Variants in SIPA1L1 observed in about 807,000 individuals in gnomAD.
SIPA1L1 encodes the protein signal-induced proliferation-associated 1-like protein 1.
SIPA1L1 carries 26 observed loss-of-function variants against 162.7 expected under a neutral mutation model. The ratio of observed to expected loss-of-function variants is 0.16; its 90% CI spans 0.12 to 0.22. SIPA1L1 has a LOEUF of 0.22. Among genes scored for constraint, SIPA1L1 ranks in the 10% least tolerant of loss-of-function variants. The pLI, the probability that SIPA1L1 is intolerant of heterozygous loss-of-function variation, is 1.00. For synonymous variants in SIPA1L1, 829 were observed against 837.4 expected, an observed-to-expected ratio of 0.99 and a Z score of 0.17; for missense variants, 1,874 against 2,241.0, an observed-to-expected ratio of 0.84 and a Z score of 3.31.
chr14:71,716,321 A>G (rs1027192554), intron 17 of SIPA1L1, among the ~76,000 whole-genome samples: 6 of 152,092 alleles, frequency 3.9e-5, no homozygotes, highest in African/African-American at 1.4e-4. Flanking sequence ...ATCACAGGAA[A>G]CCCGATCAGC....
chr14:71,626,764 A>G (rs2040033820), intron 7 of SIPA1L1, among the ~76,000 whole-genome samples: 1 of 152,152 alleles, frequency 6.6e-6, no homozygotes, highest in Non-Finnish European at 1.5e-5. Flanking sequence ...GGTTTAAATG[A>G]TTCTTTTAAT....
intron 21 of SIPA1L1, among the ~76,000 whole-genome samples, chr14:71,734,074 G>T (rs779787059): frequency 3.9e-5 from 6 of 152,246 alleles, no homozygotes; most frequent in Non-Finnish European, 7.3e-5. Flanking sequence ...AGGGCAATGG[G>T]TAGAGGAATC....
chr14:71,325,060 A>G lies in SIPA1L1; in HGVS notation c.-465+3879A>G, dbSNP rs1424909899. Among the ~76,000 whole-genome samples, 6 of 152,250 alleles carry G rather than the reference A, an allele frequency of 3.9e-5. No individual in the cohort carries two copies. The South Asian group carries it at 1.0e-3, about 26-fold the overall frequency. Reference sequence around the variant, plus strand: ...AGGGGGTTTCCTTCTTCCGGGAGAGATAAGCATTGTGGTATTCTGCCATTG... The same window carrying G: ...AGGGGGTTTCCTTCTTCCGGGAGAGGTAAGCATTGTGGTATTCTGCCATTG... On this transcript the variant is annotated intron_variant, in intron 2 of 23. Transcript: ENST00000381232.
intron 2 of SIPA1L1, among the ~76,000 whole-genome samples, chr14:71,435,329 C>G (rs1019085691): frequency 5.9e-5 from 9 of 152,028 alleles, no homozygotes; most frequent in African/African-American, 2.2e-4. Context: ...TCCTCCCTTC[C>G]CCCACCCCAC....
chr14:71,377,733 G>A lies in SIPA1L1; in HGVS notation c.-465+56552G>A, dbSNP rs549396128. Among the ~76,000 whole-genome samples the A allele has an allele frequency of 5.3e-5, 8 of 152,334 alleles. No homozygotes were observed. The highest frequency in any genetic ancestry group is 2.1e-4 in the South Asian group (1 of 4,828). Reference sequence around the variant, plus strand: ...ACTCCGTCTGCAATCCTGGCACCTCGGGAGGCCGAGGCGGGCAGATCACCC... The same window carrying A: ...ACTCCGTCTGCAATCCTGGCACCTCAGGAGGCCGAGGCGGGCAGATCACCC... On this transcript the variant is annotated intron_variant, in intron 2 of 23. Coordinates refer to ENST00000381232, the MANE Select transcript of SIPA1L1 (RefSeq NM_001386936.1). The surrounding 1 kb of genome is among the most constrained non-coding windows in gnomAD (Gnocchi z 4.8).
chr14:71,473,274 CA>C (rs2047605912), intron 2 of SIPA1L1, among the ~76,000 whole-genome samples: 2 of 151,966 alleles, frequency 1.3e-5, no homozygotes, highest in African/African-American at 4.8e-5. Flanking sequence ...TTTATCTGTA[CA>C]ATAATTATAA....
At chr14:71,443,357 A>G (rs1186397941) in intron 2 of SIPA1L1, among the ~76,000 whole-genome samples, 1 of 152,168 alleles carries the variant, frequency 6.6e-6, no homozygotes, top group Non-Finnish European at 1.5e-5. Flanking sequence ...TTTTGGGGCT[A>G]ATCAATACAC....
chr14:71,376,563 T>C (rs2141101789), intron 2 of SIPA1L1, among the ~76,000 whole-genome samples: 1 of 152,202 alleles, frequency 6.6e-6, no homozygotes, highest in South Asian at 2.1e-4. Flanking sequence ...TTATTTCATT[T>C]ATTTATTTTT....
intron 2 of SIPA1L1, among the ~76,000 whole-genome samples, chr14:71,375,317 G>C (rs1173313046): frequency 1.3e-5 from 2 of 152,156 alleles, no homozygotes; most frequent in East Asian, 1.9e-4. Context: ...GTGGGAAAGA[G>C]ATATATAAGT....
At chr14:71,352,660 C>T (rs142383083) in intron 2 of SIPA1L1, among the ~76,000 whole-genome samples, 2 of 152,074 alleles carry the variant, frequency 1.3e-5, no homozygotes, top group African/African-American at 2.4e-5. Flanking sequence ...AATGAGTAGC[C>T]CTGCAGCAAA....
intron 3 of SIPA1L1, among the ~76,000 whole-genome samples, chr14:71,525,583 A>C (rs1270271089): frequency 1.3e-5 from 2 of 152,184 alleles, no homozygotes; most frequent in African/African-American, 4.8e-5. Flanking sequence ...GTAAATCCTC[A>C]TAATGTGAAA....
intron 2 of SIPA1L1, among the ~76,000 whole-genome samples, chr14:71,447,753 G>C (rs957712485): frequency 6.6e-6 from 1 of 151,708 alleles, no homozygotes; most frequent in Non-Finnish European, 1.5e-5. Flanking sequence ...TTTTTTAGTA[G>C]AGACGGGATT....
rs931188804 is a variant in SIPA1L1, at chr14:71,377,062, G to A, written c.-465+55881G>A. ...GAGCTGTTGGGTACACCTCCCAGAC[G>A]GGGTGGCAGCTGGGCAGAGGGGCTC... On this transcript the variant is annotated intron_variant, in intron 2 of 23. Coordinates refer to ENST00000381232, the MANE Select transcript of SIPA1L1 (RefSeq NM_001386936.1). The surrounding 1 kb of genome is among the most constrained non-coding windows in gnomAD (Gnocchi z 4.8). 4.0e-5 allele frequency among the ~76,000 whole-genome samples: 6 copies of A among 151,876 alleles called. No homozygotes were observed. Among genetic ancestry groups the A allele is most frequent in the South Asian group, 2.1e-4 (1 of 4,812 alleles).
intron 4 of SIPA1L1, among the ~76,000 whole-genome samples, chr14:71,575,240 G>T (rs1165809188): frequency 6.6e-6 from 1 of 152,058 alleles, no homozygotes; most frequent in African/African-American, 2.4e-5. Flanking sequence ...AGTTGCTGCG[G>T]AACTGACTGT....
chr14:71,395,209 G>GT (rs1452842907), intron 2 of SIPA1L1, among the ~76,000 whole-genome samples: 2 of 152,212 alleles, frequency 1.3e-5, no homozygotes, highest in African/African-American at 4.8e-5. Context: ...ATTTTGGCAA[G>GT]TGTGAAATTG....
chr14:71,631,725 A>G (rs564962742), intron 7 of SIPA1L1, among the ~76,000 whole-genome samples: 5 of 152,302 alleles, frequency 3.3e-5, no homozygotes, highest in East Asian at 1.9e-4. Flanking sequence ...TCTTTTTACA[A>G]CTTTACTATT....
At chr14:71,501,740 G>A (rs2050231983) in intron 2 of SIPA1L1, among the ~76,000 whole-genome samples, 1 of 152,212 alleles carries the variant, frequency 6.6e-6, no homozygotes, top group South Asian at 2.1e-4. Flanking sequence ...ATTAATTGAA[G>A]TCTGGGCACA....
intron 2 of SIPA1L1, among the ~76,000 whole-genome samples, chr14:71,387,946 T>G (rs1371592446): frequency 6.6e-6 from 1 of 152,214 alleles, no homozygotes; most frequent in East Asian, 1.9e-4. Flanking sequence ...TTCTAGAGTA[T>G]CAGTATGATA....
At chr14:71,332,195 C>G (rs1406376907) in intron 2 of SIPA1L1, among the ~76,000 whole-genome samples, 1 of 152,100 alleles carries the variant, frequency 6.6e-6, no homozygotes, top group African/African-American at 2.4e-5. Flanking sequence ...ATAGGTGGGT[C>G]TCTAAGGAGT....
Sources: allele counts gnomAD v4.1 joint callset (sites outside exome capture counted in the v4.1 genomes callset), GRCh38; gene constraint gnomAD v4.1.1; non-coding constraint Gnocchi (gnomAD v3.1); transcripts MANE v1.5; gene names NCBI Gene and HGNC (gene_info 2026-07-23, HGNC 2026-07-21).